Variants in SYNE1 observed in about 807,000 individuals in gnomAD.
The protein encoded by SYNE1 is spectrin repeat containing nuclear envelope protein 1.
A neutral mutation model predicts 1,111.0 loss-of-function variants in SYNE1; 616 were observed. The ratio of observed to expected loss-of-function variants is 0.55; its 90% CI spans 0.52 to 0.59. The LOEUF (loss-of-function observed/expected upper bound fraction) is 0.59, where lower values mean the gene tolerates loss of function less well. Among genes scored for constraint, SYNE1 ranks in the 20% least tolerant of loss-of-function variants. SYNE1 has a pLI of 0.00. For missense variants in SYNE1, 10,006 were observed against 10,417.0 expected, an observed-to-expected ratio of 0.96 and a Z score of 1.72; for synonymous variants, 3,855 against 3,825.8, an observed-to-expected ratio of 1.01 and a Z score of -0.28.
chr6:152,239,712 A>AT lies in SYNE1; in HGVS notation c.19894-7dup. Reference sequence around the variant, plus strand: ...TCCAGGCCCTGAAAGTATTCCTGCAATTTTTCAGGAAGAAAGAAGTCAGCA... The same window carrying AT: ...TCCAGGCCCTGAAAGTATTCCTGCAATTTTTTCAGGAAGAAAGAAGTCAGCA... On this transcript the variant is annotated splice_polypyrimidine_tract_variant and splice_region_variant and intron_variant, in intron 107 of 145. Transcript: ENST00000367255. The AT allele has an allele frequency of 1.2e-6, 2 of 1,614,080 alleles. No homozygotes were observed. Among genetic ancestry groups the AT allele is most frequent in the Non-Finnish European group, 1.7e-6 (2 of 1,180,018 alleles).
intron 3 of SYNE1, among the ~76,000 whole-genome samples, chr6:152,554,303 A>AG (rs1449381139): frequency 6.6e-6 from 1 of 152,098 alleles, no homozygotes; most frequent in African/African-American, 2.4e-5. Context: ...CTGCATTCAA[A>AG]GGGGGTCAAG....
At chr6:152,362,981 C>T (rs182801910) in intron 63 of SYNE1, among the ~76,000 whole-genome samples, 2 of 151,110 alleles carry the variant, frequency 1.3e-5, no homozygotes, top group East Asian at 2.0e-4. Flanking sequence ...CCCGGGTTCA[C>T]GCCATTCTCC....
chr6:152,327,843 A>G (rs924920209), intron 78 of SYNE1, among the ~76,000 whole-genome samples: 1 of 152,222 alleles, frequency 6.6e-6, no homozygotes, highest in Non-Finnish European at 1.5e-5. Context: ...TCTAGATTCT[A>G]TATCTCTATT....
At chr6:152,370,391 T>C (rs558962971) in intron 59 of SYNE1, among the ~76,000 whole-genome samples, 1 of 152,332 alleles carries the variant, frequency 6.6e-6, no homozygotes, top group Admixed American at 6.5e-5. Flanking sequence ...TTGGTTGATT[T>C]TCATTAATGA....
At chr6:152,477,332 T>G (rs1179767303) in intron 14 of SYNE1, among the ~76,000 whole-genome samples, 1 of 152,098 alleles carries the variant, frequency 6.6e-6, no homozygotes. Context: ...TGGGGGAAGT[T>G]GTAATTTCAA....
chr6:152,435,906 C>G, intron 33 of SYNE1, 35 bp downstream of exon 33: 1 of 1,611,632 alleles, frequency 6.2e-7, no homozygotes, highest in Non-Finnish European at 8.5e-7. Context: ...AACTTTATCT[C>G]AGAGAAGAAA....
intron 69 of SYNE1, among the ~76,000 whole-genome samples, 197 bp from the exon 70 acceptor site, chr6:152,352,550 G>A (rs760823314): frequency 3.9e-5 from 6 of 151,950 alleles, no homozygotes; most frequent in South Asian, 2.1e-4. Flanking sequence ...CTACAGGTGC[G>A]TGCCACCATG....
chr6:152,236,195 T>G lies in SYNE1; in HGVS notation c.20308A>C (p.Asn6770His). The change falls in exon 110 of 146, where the codon AAT (asparagine) becomes CAT (histidine). Residue 6770 changes from asparagine (N) to histidine (H), a missense_variant. This residue lies in a region of SYNE1 where 2,182 missense variants were observed against 2,287.8 expected (regional missense o/e 0.95). Coordinates refer to ENST00000367255, the MANE Select transcript of SYNE1 (RefSeq NM_182961.4). ...ISCSDLESQLNQLGECWLSNT... is the reference protein window; with the variant it reads ...ISCSDLESQLHQLGECWLSNT... ...CTTAGCCAGCACTCTCCAAGTTGAT[T>G]TAGTTGGCTTTCTAGATCTGAGCAG... 1 of 1,614,186 alleles carries G rather than the reference T, an allele frequency of 6.2e-7. No homozygotes were observed. The highest frequency in any genetic ancestry group is 8.5e-7 in the Non-Finnish European group (1 of 1,180,010).
intron 14 of SYNE1, chr6:152,481,516 T>C (rs375267085): frequency 1.4e-4 from 65 of 451,842 alleles, no homozygotes; most frequent in South Asian, 6.1e-4. Flanking sequence ...AATATACTCA[T>C]GTAAGAAACA....
At position 152,594,978 on chromosome 6, in the gene SYNE1, A is replaced by T. The variant is rs531635364; in HGVS notation, c.67+33287T>A. Among the ~76,000 whole-genome samples, 13 of 152,314 alleles carry T rather than the reference A, an allele frequency of 8.5e-5. No homozygotes were observed. In the South Asian group the frequency reaches 1.7e-3, roughly 19 times the overall value. ...TTCTCATATGACATGACCTTTCAGC[A>T]CATTACCATTGCTAGTTTACACCCT... On this transcript the variant is annotated intron_variant, in intron 3 of 145. Coordinates refer to ENST00000367255, the MANE Select transcript of SYNE1 (RefSeq NM_182961.4).
intron 3 of SYNE1, among the ~76,000 whole-genome samples, chr6:152,555,513 C>T (rs1190891037): frequency 1.3e-5 from 2 of 152,136 alleles, no homozygotes; most frequent in African/African-American, 4.8e-5. Flanking sequence ...TGTAAGTACC[C>T]TCTATGATGT....
At chr6:152,311,136 G>C in intron 87 of SYNE1, 1 of 503,104 alleles carries the variant, frequency 2.0e-6, no homozygotes, top group South Asian at 2.1e-5. Context: ...GCTCCTGCTC[G>C]GTCAAGCCCA....
chr6:152,162,276 C>T (rs2062671010), intron 131 of SYNE1, among the ~76,000 whole-genome samples: 1 of 152,212 alleles, frequency 6.6e-6, no homozygotes, highest in African/African-American at 2.4e-5. Context: ...ATTCTGTTAA[C>T]AACATCACTG....
At chr6:152,472,926 C>T (rs2098814935) in intron 14 of SYNE1, among the ~76,000 whole-genome samples, 1 of 152,096 alleles carries the variant, frequency 6.6e-6, no homozygotes, top group Non-Finnish European at 1.5e-5. Context: ...TTTTGAAATA[C>T]CCTTTTGATT....
At position 152,409,071 on chromosome 6, in the gene SYNE1, C is replaced by T. The variant is rs138725794; in HGVS notation, c.6537G>A (p.Leu2179=). The change falls in exon 44 of 146, where the codon CTG becomes CTA. Residue 2179 remains leucine, a synonymous_variant. Coordinates refer to ENST00000367255, the MANE Select transcript of SYNE1 (RefSeq NM_182961.4). ...TDMESTVDKW[L]DVSEKLEENM... ...GAATCCCAGGTGATTATCTTACATCCAGCCATTTGTCCACGGTGCTCTCCA... is the reference window on the plus strand; with the variant it reads ...GAATCCCAGGTGATTATCTTACATCTAGCCATTTGTCCACGGTGCTCTCCA... The T allele has an allele frequency of 6.0e-5, 97 of 1,613,822 alleles. No homozygotes were observed. Among genetic ancestry groups the T allele is most frequent in the Non-Finnish European group, 7.6e-5 (90 of 1,179,954 alleles).
chr6:152,425,919 G>T (rs950926966), intron 38 of SYNE1, among the ~76,000 whole-genome samples: 15 of 152,194 alleles, frequency 9.9e-5, no homozygotes, highest in Non-Finnish European at 1.6e-4. Context: ...TAGGCAAAGA[G>T]AATCAAAGAA....
intron 3 of SYNE1, among the ~76,000 whole-genome samples, chr6:152,558,665 C>T (rs1189966325): frequency 6.6e-6 from 1 of 151,914 alleles, no homozygotes. Flanking sequence ...ATATATTTAC[C>T]CAACATCGGA....
In SYNE1 at chr6:152,546,198, T is replaced by G. The variant is rs573289249; in HGVS notation, c.68-6177A>C. 3.9e-5 allele frequency: 6 copies of G among 152,320 alleles called. No homozygotes were observed. In the South Asian group the frequency reaches 1.2e-3, roughly 32 times the overall value. 9.4% of individuals were successfully genotyped at this position (152,320 alleles called of 1,614,324 possible). On this transcript the variant is annotated intron_variant, in intron 3 of 145. Coordinates refer to ENST00000367255, the MANE Select transcript of SYNE1 (RefSeq NM_182961.4). ...TGGGTAGGGAATAAAGTATATTGAA[T>G]AGTCCAACACAAGAAAATGGACAAT...
intron 11 of SYNE1, among the ~76,000 whole-genome samples, 166 bp from the exon 12 acceptor site, chr6:152,488,669 A>G (rs2098954199): frequency 6.6e-6 from 1 of 152,146 alleles, no homozygotes; most frequent in Non-Finnish European, 1.5e-5. Context: ...AAGAAGCAAA[A>G]GTTAACTCTA....
Sources: allele counts gnomAD v4.1 joint callset (sites outside exome capture counted in the v4.1 genomes callset), GRCh38; gene constraint gnomAD v4.1.1; regional missense constraint gnomAD v4.1.1; transcripts MANE v1.5; gene names NCBI Gene and HGNC (gene_info 2026-07-23, HGNC 2026-07-21).